CLYBL: variants seen among roughly 807,000 people sequenced by gnomAD.
The protein encoded by CLYBL is citramalyl-CoA lyase, mitochondrial.
CLYBL carries 31 observed loss-of-function variants against 38.9 expected under a neutral mutation model. The ratio of observed to expected loss-of-function variants is 0.80; its 90% CI spans 0.60 to 1.08. The LOEUF is 1.08. Among genes scored for constraint, CLYBL ranks in the 50% least tolerant of loss-of-function variants. The pLI is 0.00. For missense variants in CLYBL, 434 were observed against 411.6 expected (o/e 1.05, Z -0.47); for synonymous variants, 171 against 158.6 (o/e 1.08, Z -0.59).
At chr13:99,763,680 G>C (rs1252755336) in intron 1 of CLYBL, among the ~76,000 whole-genome samples, 1 of 150,130 alleles carries the variant, frequency 6.7e-6, no homozygotes, top group African/African-American at 2.5e-5. Flanking sequence ...TAAGCCTCCC[G>C]AATAGCTGGG....
At chr13:99,741,710 C>T (rs2048759533) in intron 1 of CLYBL, among the ~76,000 whole-genome samples, 2 of 152,186 alleles carry the variant, frequency 1.3e-5, no homozygotes, top group South Asian at 4.1e-4. Context: ...CTCCTGACCT[C>T]AGGTGATCCA....
intron 1 of CLYBL, among the ~76,000 whole-genome samples, chr13:99,694,683 T>G (rs1464895765): frequency 6.6e-6 from 1 of 152,212 alleles, no homozygotes; most frequent in East Asian, 1.9e-4. Flanking sequence ...GGAAAATTGC[T>G]TTCTGAGATC....
rs368531438 is a variant in CLYBL, at chr13:99,836,895, T to TG, written c.250-21961dup. On this transcript the variant is annotated intron_variant, in intron 2 of 8. Transcript: ENST00000339105. ...TCACACACCGGGGACTGTTGTGGGG[T>TG]GGGGGAAGGGGGAGGGATAGCATTA... Among the ~76,000 whole-genome samples the TG allele has an allele frequency of 7.3e-4, 107 of 146,344 alleles. No homozygotes were observed. In the East Asian group the frequency reaches 8.4e-3, roughly 12 times the overall value.
At chr13:99,765,031 A>C (rs1472859123) in intron 1 of CLYBL, among the ~76,000 whole-genome samples, 1 of 151,520 alleles carries the variant, frequency 6.6e-6, no homozygotes, top group East Asian at 1.9e-4. Context: ...TATACCTTTA[A>C]ATGTTTTTCT....
intron 2 of CLYBL, among the ~76,000 whole-genome samples, chr13:99,789,289 T>G (rs2049866330): frequency 1.3e-5 from 2 of 152,222 alleles, no homozygotes; most frequent in Admixed American, 1.3e-4. Flanking sequence ...ATTGTGATGT[T>G]AGGGTGTCAA....
chr13:99,895,821 G>T (rs916358458), downstream of CLYBL: 1 of 152,278 alleles, frequency 6.6e-6, no homozygotes, highest in Non-Finnish European at 1.5e-5. Flanking sequence ...TTTCCGCCAA[G>T]CGCGCTGCAA....
intron 1 of CLYBL, among the ~76,000 whole-genome samples, chr13:99,750,230 G>A (rs1020896609): frequency 2.6e-5 from 4 of 152,190 alleles, no homozygotes; most frequent in Non-Finnish European, 4.4e-5. Flanking sequence ...GAGATACAGC[G>A]CTAAGTAGAG....
intron 8 of CLYBL, among the ~76,000 whole-genome samples, chr13:99,904,991 C>G (rs909275949): frequency 6.6e-6 from 1 of 152,166 alleles, no homozygotes; most frequent in African/African-American, 2.4e-5. Flanking sequence ...ACACCTCCCC[C>G]ACCTTTTCTG....
At chr13:99,783,670 C>A (rs2049712578) in intron 2 of CLYBL, among the ~76,000 whole-genome samples, 1 of 152,012 alleles carries the variant, frequency 6.6e-6, no homozygotes, top group Non-Finnish European at 1.5e-5. Flanking sequence ...TGGTCTTGAT[C>A]TCCTGACCTT....
In CLYBL at chr13:99,811,383, G is replaced by A. The variant is rs898842525; in HGVS notation, c.249+38373G>A. ...TCAGCCAGGCAGTAATAATAAAACC[G>A]GACAATGCCACAGAGCTGGCGTGGC... On this transcript the variant is annotated intron_variant, in intron 2 of 8. Transcript: ENST00000339105. Among the ~76,000 whole-genome samples the A allele has an allele frequency of 9.8e-5, 15 of 152,292 alleles. No individual in the cohort carries two copies. The East Asian group carries it at 2.1e-3, about 22-fold the overall frequency.
At chr13:99,713,199 C>T (rs1054987823) in intron 1 of CLYBL, among the ~76,000 whole-genome samples, 1 of 151,966 alleles carries the variant, frequency 6.6e-6, no homozygotes, top group African/African-American at 2.4e-5. Context: ...TCTCTTTCTC[C>T]CTAGTCCTCT....
chr13:99,657,624 A>G (rs973257884), intron 1 of CLYBL, among the ~76,000 whole-genome samples: 5 of 63,730 alleles, frequency 7.8e-5, no homozygotes, highest in Non-Finnish European at 1.2e-4. Context: ...ACCTAATTAG[A>G]GGGGGAGATG....
At chr13:99,742,281 C>G (rs1232716693) in intron 1 of CLYBL, among the ~76,000 whole-genome samples, 2 of 152,212 alleles carry the variant, frequency 1.3e-5, no homozygotes, top group East Asian at 3.8e-4. Context: ...CTTACCCAGT[C>G]ATGCATTTAG....
At chr13:99,892,582 T>TC (rs958862320), downstream of CLYBL, 1 of 152,704 alleles carries the variant, frequency 6.5e-6, no homozygotes, top group African/African-American at 2.4e-5. Flanking sequence ...TCTGGACGAC[T>TC]GTTCCTTAAG....
intron 2 of CLYBL, among the ~76,000 whole-genome samples, chr13:99,811,031 C>T (rs1004539884): frequency 6.6e-6 from 1 of 152,150 alleles, no homozygotes. Flanking sequence ...GAGCAAAGAC[C>T]TCTTCCACAC....
At chr13:99,799,085 ATG>A (rs1298373133) in intron 2 of CLYBL, among the ~76,000 whole-genome samples, 1 of 152,232 alleles carries the variant, frequency 6.6e-6, no homozygotes, top group Non-Finnish European at 1.5e-5. Flanking sequence ...ATGGCCAAAC[ATG>A]CTATTTCTTA....
intron 1 of CLYBL, among the ~76,000 whole-genome samples, chr13:99,661,670 A>G (rs1213601796): frequency 2.6e-5 from 4 of 152,104 alleles, no homozygotes; most frequent in Non-Finnish European, 4.4e-5. Context: ...ACGGAAATAG[A>G]TTTCCTTTTT....
chr13:99,768,297 C>A (rs981558151), intron 1 of CLYBL, among the ~76,000 whole-genome samples: 3 of 144,664 alleles, frequency 2.1e-5, no homozygotes, highest in Admixed American at 7.3e-5. Flanking sequence ...CGAGTTCAAG[C>A]AACTCTCCTG....
At chr13:99,781,201 CGCT>C (rs1287604391) in intron 2 of CLYBL, among the ~76,000 whole-genome samples, 1 of 151,116 alleles carries the variant, frequency 6.6e-6, no homozygotes, top group East Asian at 1.9e-4. Context: ...GACGGAGTCT[CGCT>C]GTGTCACGCA....
Sources: gnomAD v4.1 joint callset for allele counts (sites outside exome capture counted in the v4.1 genomes callset) on GRCh38, gnomAD v4.1.1 for gene constraint, MANE v1.5 for transcripts, NCBI Gene and HGNC (gene_info 2026-07-23, HGNC 2026-07-21) for gene names.